The following MCOLN3 variants were observed in gnomAD, a reference collection of about 807,000 sequenced individuals.
MCOLN3 encodes mucolipin TRP cation channel 3.
MCOLN3 carries 62 observed loss-of-function variants against 69.4 expected under a neutral mutation model. The observed-to-expected ratio is 0.89, with a 90% CI of 0.73 to 1.10. The LOEUF (loss-of-function observed/expected upper bound fraction) is 1.10, where lower values mean the gene tolerates loss of function less well. Ranked by LOEUF, MCOLN3 falls within the 50% of genes least tolerant of loss-of-function variation. MCOLN3 has a pLI of 0.00. For synonymous variants in MCOLN3, 183 were observed against 217.0 expected, an observed-to-expected ratio of 0.84 and a Z score of 1.38; for missense variants, 564 against 656.4, an observed-to-expected ratio of 0.86 and a Z score of 1.54.
At chr1:85,039,791 T>A (rs555742874) in intron 3 of MCOLN3, among the ~76,000 whole-genome samples, 66 of 151,578 alleles carry the variant, frequency 4.4e-4, no homozygotes, top group African/African-American at 1.2e-3. Flanking sequence ...ATAAAAAAAA[T>A]TTTTTTTTAA....
intron 6 of MCOLN3, among the ~76,000 whole-genome samples, chr1:85,031,518 C>T (rs1024136729): frequency 5.9e-5 from 9 of 151,926 alleles, no homozygotes; most frequent in South Asian, 4.2e-4. Flanking sequence ...AATACGTATT[C>T]GTAAAATTTT....
chr1:85,027,535 T>G (rs915961701), intron 7 of MCOLN3, among the ~76,000 whole-genome samples: 4 of 152,158 alleles, frequency 2.6e-5, no homozygotes, highest in African/African-American at 4.8e-5. Flanking sequence ...TGGCATTTTT[T>G]GGGAGCTTGT....
intron 3 of MCOLN3, among the ~76,000 whole-genome samples, 188 bp downstream of exon 3, chr1:85,040,822 T>C (rs1653023904): frequency 6.6e-6 from 1 of 152,198 alleles, no homozygotes. Flanking sequence ...AAAGCTTTTC[T>C]CAACTTCTGG....
intron 12 of MCOLN3, among the ~76,000 whole-genome samples, chr1:85,020,409 C>A (rs1651868261): frequency 6.6e-6 from 1 of 152,200 alleles, no homozygotes; most frequent in South Asian, 2.1e-4. Flanking sequence ...CACAAATACA[C>A]CTAACAGTAT....
intron 2 of MCOLN3, among the ~76,000 whole-genome samples, chr1:85,042,233 A>G (rs991674230): frequency 2.6e-5 from 4 of 152,216 alleles, no homozygotes; most frequent in African/African-American, 7.2e-5. Flanking sequence ...TCACATCACT[A>G]GCCAGTGTTG....
chr1:85,045,012 T>C, intron 2 of MCOLN3, 121 bp downstream of exon 2: 1 of 681,668 alleles, frequency 1.5e-6, no homozygotes, highest in Non-Finnish European at 2.4e-6. Flanking sequence ...TATGTTTTCT[T>C]ATCTGTTACT....
intron 3 of MCOLN3, 106 bp from the exon 4 acceptor site, chr1:85,034,357 T>C (rs1051522572): frequency 8.7e-7 from 1 of 1,147,800 alleles, no homozygotes; most frequent in Non-Finnish European, 1.3e-6. Context: ...TCCCTTGGGA[T>C]AGAGACATTC....
chr1:85,019,290 A>G lies in MCOLN3; in HGVS notation c.1528-33T>C, dbSNP rs12033792. On this transcript the variant is annotated intron_variant, in intron 12 of 12. Transcript: ENST00000370589. ...GAAGAATGTTAAAAAGCTTTTATTA[A>G]TAAGCTCCTTGAAAACAGCTTCATT... is the stretch of plus-strand genomic sequence containing the variant. 4 of 1,600,034 alleles carry G rather than the reference A, an allele frequency of 2.5e-6. No homozygotes were observed. The East Asian group carries it at 8.9e-5, about 36-fold the overall frequency.
chr1:85,047,080 T>G (rs557940910), intron 1 of MCOLN3, among the ~76,000 whole-genome samples: 1 of 152,218 alleles, frequency 6.6e-6, no homozygotes, highest in South Asian at 2.1e-4. Flanking sequence ...AGCTCGCATA[T>G]GAACACCAAC....
chr1:85,047,851 A>T (rs2102950158), intron 1 of MCOLN3, among the ~76,000 whole-genome samples: 1 of 152,316 alleles, frequency 6.6e-6, no homozygotes, highest in East Asian at 1.9e-4. Context: ...GGTCGCTGCC[A>T]TCCCCGGGCA....
intron 8 of MCOLN3, 42 bp from the exon 9 acceptor site, chr1:85,026,130 A>G (rs1652204766): frequency 1.2e-6 from 2 of 1,613,292 alleles, no homozygotes; most frequent in Non-Finnish European, 8.5e-7. Flanking sequence ...GTCTCTGTCA[A>G]TCAAAATGTC....
chr1:85,031,125 G>A (rs1253620731), intron 6 of MCOLN3, among the ~76,000 whole-genome samples: 1 of 152,012 alleles, frequency 6.6e-6, no homozygotes, highest in African/African-American at 2.4e-5. Flanking sequence ...ACAAAAACTA[G>A]CTGGGCGTGG....
At chr1:85,046,200 G>C (rs1653343152) in intron 1 of MCOLN3, among the ~76,000 whole-genome samples, 1 of 152,096 alleles carries the variant, frequency 6.6e-6, no homozygotes, top group African/African-American at 2.4e-5. Context: ...AGGGGAAAAT[G>C]GGCCCTCAAT....
intron 1 of MCOLN3, among the ~76,000 whole-genome samples, chr1:85,045,869 A>T (rs888195781): frequency 1.3e-5 from 2 of 152,192 alleles, no homozygotes; most frequent in Admixed American, 6.5e-5. Flanking sequence ...GTAAAGAACA[A>T]GATTCAGTTT....
chr1:85,020,433 T>C (rs994039367), intron 12 of MCOLN3, among the ~76,000 whole-genome samples: 1 of 152,246 alleles, frequency 6.6e-6, no homozygotes, highest in African/African-American at 2.4e-5. Flanking sequence ...TTATGGAAAT[T>C]GAAACATATA....
intron 3 of MCOLN3, among the ~76,000 whole-genome samples, chr1:85,040,559 T>C (rs924081771): frequency 6.6e-6 from 1 of 152,216 alleles, no homozygotes; most frequent in Non-Finnish European, 1.5e-5. Context: ...ATAAAATCAT[T>C]GTCATGTATG....
Position 85,028,266 on chromosome 1 carries a change from G to C in MCOLN3, c.832+840C>G, listed in dbSNP as rs74935188. On this transcript the variant is annotated intron_variant, in intron 7 of 12. Transcript: ENST00000370589. The stretch of plus-strand genomic sequence containing the variant: ...CTATCTCATTATTACGTCTGAACTT[G>C]GCAAATCAATTAGTAAGAAACTTTA... Among the ~76,000 whole-genome samples the C allele has an allele frequency of 1.4e-4, 21 of 152,228 alleles. No individual in the cohort carries two copies. In the East Asian group the frequency reaches 3.9e-3, roughly 28 times the overall value.
chr1:85,039,790 AT>A (rs935765397), intron 3 of MCOLN3, among the ~76,000 whole-genome samples: 10 of 151,638 alleles, frequency 6.6e-5, no homozygotes, highest in East Asian at 1.9e-4. Flanking sequence ...TATAAAAAAA[AT>A]TTTTTTTTAA....
chr1:85,040,229 T>TAA (rs1054172099), intron 3 of MCOLN3, among the ~76,000 whole-genome samples: 2 of 152,194 alleles, frequency 1.3e-5, no homozygotes, highest in Admixed American at 1.3e-4. Flanking sequence ...CTTCATGCCA[T>TAA]AAATATGTAT....
Sources: gnomAD v4.1 joint callset for allele counts (sites outside exome capture counted in the v4.1 genomes callset) on GRCh38, gnomAD v4.1.1 for gene constraint, MANE v1.5 for transcripts, NCBI Gene and HGNC (gene_info 2026-07-23, HGNC 2026-07-21) for gene names.